TANGO6: variants seen among roughly 807,000 people sequenced by gnomAD.
The protein encoded by TANGO6 is transport and Golgi organization protein 6 homolog.
A neutral mutation model predicts 114.2 loss-of-function variants in TANGO6; 90 were observed. The ratio of observed to expected loss-of-function variants is 0.79; its 90% CI spans 0.66 to 0.94. The LOEUF (loss-of-function observed/expected upper bound fraction) is 0.94, where lower values mean the gene tolerates loss of function less well. Ranked by LOEUF, TANGO6 falls within the 40% of genes least tolerant of loss-of-function variation. The pLI, the probability that TANGO6 is intolerant of heterozygous loss-of-function variation, is 0.00. For missense variants in TANGO6, 1,274 were observed against 1,315.3 expected, an observed-to-expected ratio of 0.97 and a Z score of 0.49; for synonymous variants, 477 against 509.8, an observed-to-expected ratio of 0.94 and a Z score of 0.87.
At chr16:68,976,647 G>T (rs982988707) in intron 15 of TANGO6, among the ~76,000 whole-genome samples, 1 of 152,160 alleles carries the variant, frequency 6.6e-6, no homozygotes, top group Non-Finnish European at 1.5e-5. Context: ...AATATCACTA[G>T]AAGCCTTAAA....
chr16:69,019,665 C>T (rs1336978699), intron 15 of TANGO6, among the ~76,000 whole-genome samples: 3 of 151,002 alleles, frequency 2.0e-5, no homozygotes, highest in East Asian at 1.9e-4. Flanking sequence ...TTTATATGTA[C>T]TCCTTAAACT....
chr16:69,043,973 CT>C (rs1279885505), intron 17 of TANGO6, among the ~76,000 whole-genome samples: 1 of 152,230 alleles, frequency 6.6e-6, no homozygotes, highest in Non-Finnish European at 1.5e-5. Context: ...ATCAACGCCC[CT>C]AACTCATGAG....
rs544638337 is a variant in TANGO6, at chr16:68,866,414, G to T, written c.853-665G>T. Among the ~76,000 whole-genome samples, 7 of 150,742 alleles carry T rather than the reference G, an allele frequency of 4.6e-5. No homozygotes were observed. In the East Asian group the frequency reaches 1.4e-3, roughly 29 times the overall value. Reference sequence around the variant, plus strand: ...CGAGGCGGGTGGATCATGAGGTCAGGAGATCGAGACCATCCTGGCTAACAA... The same window carrying T: ...CGAGGCGGGTGGATCATGAGGTCAGTAGATCGAGACCATCCTGGCTAACAA... On this transcript the variant is annotated intron_variant, in intron 3 of 17. Transcript: ENST00000261778.
At chr16:68,944,446 C>A (rs2152202997) in intron 14 of TANGO6, among the ~76,000 whole-genome samples, 1 of 152,272 alleles carries the variant, frequency 6.6e-6, no homozygotes, top group East Asian at 1.9e-4. Flanking sequence ...TCTCTTCACT[C>A]AGACCTCACA....
intron 17 of TANGO6, among the ~76,000 whole-genome samples, chr16:69,067,209 T>C (rs1459871228): frequency 6.6e-6 from 1 of 151,824 alleles, no homozygotes; most frequent in Non-Finnish European, 1.5e-5. Flanking sequence ...CAAAAAAAAT[T>C]TTTTTTTTAT....
intron 1 of TANGO6, among the ~76,000 whole-genome samples, chr16:68,847,191 A>C (rs966971637): frequency 1.3e-5 from 2 of 152,094 alleles, no homozygotes; most frequent in African/African-American, 4.8e-5. Context: ...CGCCCGGCCA[A>C]AGAGGTAATA....
intron 14 of TANGO6, among the ~76,000 whole-genome samples, chr16:68,936,339 C>G (rs1450767779): frequency 6.6e-6 from 1 of 151,926 alleles, no homozygotes; most frequent in Admixed American, 6.6e-5. Flanking sequence ...CAGATTATTT[C>G]TTTTTTTCTT....
At chr16:68,918,749 A>G (rs1215863800) in intron 11 of TANGO6, among the ~76,000 whole-genome samples, 2 of 152,250 alleles carry the variant, frequency 1.3e-5, no homozygotes, top group Non-Finnish European at 2.9e-5. Flanking sequence ...GAGATTGTAC[A>G]TGTGAAACAC....
intron 7 of TANGO6, among the ~76,000 whole-genome samples, chr16:68,898,964 A>ATTG (rs1407763306): frequency 6.7e-6 from 1 of 149,718 alleles, no homozygotes; most frequent in Non-Finnish European, 1.5e-5. Context: ...TATTATTATT[A>ATTG]TTATTATTAT....
intron 14 of TANGO6, among the ~76,000 whole-genome samples, chr16:68,935,877 G>A (rs1250116175): frequency 1.3e-5 from 2 of 152,222 alleles, no homozygotes; most frequent in South Asian, 2.1e-4. Context: ...TTCCAAAATG[G>A]GAGTTAGAAT....
At chr16:68,886,910 C>G (rs774494778) in intron 7 of TANGO6, among the ~76,000 whole-genome samples, 1 of 152,056 alleles carries the variant, frequency 6.6e-6, no homozygotes, top group South Asian at 2.1e-4. Context: ...AAGGTTCAAG[C>G]GATTCTCTTG....
chr16:68,913,194 T>C (rs1366091561), intron 11 of TANGO6, among the ~76,000 whole-genome samples: 1 of 151,702 alleles, frequency 6.6e-6, no homozygotes, highest in Non-Finnish European at 1.5e-5. Flanking sequence ...GCCTCTCAAA[T>C]AGCTGGGACT....
At chr16:69,081,869 T>C (rs1960470090) in intron 17 of TANGO6, among the ~76,000 whole-genome samples, 1 of 143,820 alleles carries the variant, frequency 7.0e-6, no homozygotes, top group Non-Finnish European at 1.5e-5. Flanking sequence ...TCACTCACTC[T>C]GTTGCCCAGG....
intron 17 of TANGO6, among the ~76,000 whole-genome samples, chr16:69,074,610 G>T (rs1300216380): frequency 6.6e-6 from 1 of 151,994 alleles, no homozygotes; most frequent in Non-Finnish European, 1.5e-5. Flanking sequence ...GAATGTCTTT[G>T]TTCTCCAGAT....
intron 17 of TANGO6, among the ~76,000 whole-genome samples, chr16:69,044,942 C>CCACCT (rs1409276616): frequency 2.0e-5 from 3 of 151,670 alleles, no homozygotes; most frequent in Non-Finnish European, 2.9e-5. Context: ...GGCAAATCAC[C>CCACCT]TGAGGTCAGG....
intron 11 of TANGO6, among the ~76,000 whole-genome samples, chr16:68,918,022 G>T (rs1179130064): frequency 6.6e-6 from 1 of 151,444 alleles, no homozygotes; most frequent in Non-Finnish European, 1.5e-5. Context: ...TGGTTCAAGC[G>T]ATTCTTCCAC....
intron 15 of TANGO6, among the ~76,000 whole-genome samples, chr16:69,001,240 C>A (rs892681544): frequency 6.6e-6 from 1 of 152,142 alleles, no homozygotes; most frequent in African/African-American, 2.4e-5. Flanking sequence ...CAGGCCTTAT[C>A]CTGAATTAAA....
At chr16:68,908,766 G>A (rs1962885312) in intron 10 of TANGO6, among the ~76,000 whole-genome samples, 1 of 152,182 alleles carries the variant, frequency 6.6e-6, no homozygotes, top group African/African-American at 2.4e-5. Context: ...AGAATGTGAG[G>A]TGATCTGAGG....
chr16:68,891,337 G>A (rs1212736808), intron 7 of TANGO6, among the ~76,000 whole-genome samples: 2 of 149,538 alleles, frequency 1.3e-5, no homozygotes, highest in Admixed American at 6.7e-5. Flanking sequence ...ATGGGCATCT[G>A]TAATCCCAGC....
Sources: allele counts gnomAD v4.1 joint callset (sites outside exome capture counted in the v4.1 genomes callset), GRCh38; gene constraint gnomAD v4.1.1; transcripts MANE v1.5; gene names NCBI Gene and HGNC (gene_info 2026-07-23, HGNC 2026-07-21).